Variants in DOCK7 observed in about 807,000 individuals in gnomAD.
DOCK7 encodes dedicator of cytokinesis 7, also known as dedicator of cytokinesis protein 7.
In DOCK7, 138 loss-of-function variants were observed where a neutral mutation model predicts 271.0. The ratio of observed to expected loss-of-function variants is 0.51; its 90% CI spans 0.44 to 0.59. DOCK7 has a LOEUF of 0.59. Among genes scored for constraint, DOCK7 ranks in the 20% least tolerant of loss-of-function variants. The probability of loss-of-function intolerance (pLI) is 0.00; values close to 1 mark genes in which losing one functional copy is unlikely to be tolerated. For missense variants in DOCK7, 2,066 were observed against 2,592.4 expected (o/e 0.80, Z 4.41); for synonymous variants, 823 against 876.1 (o/e 0.94, Z 1.07).
At chr1:62,587,299 T>TAA in intron 14 of DOCK7, among the ~76,000 whole-genome samples, 102 of 41,856 alleles carry the variant, frequency 2.4e-3, no homozygotes, top group South Asian at 8.3e-3. Context: ...ACCAAATAGC[T>TAA]AAAAAAAAAA....
intron 18 of DOCK7, among the ~76,000 whole-genome samples, chr1:62,571,365 CCACT>C (rs1646772411): frequency 6.6e-6 from 1 of 152,174 alleles, no homozygotes; most frequent in Non-Finnish European, 1.5e-5. Context: ...CCATCTCACA[CCACT>C]CAGAATGGCA....
intron 14 of DOCK7, among the ~76,000 whole-genome samples, chr1:62,593,171 A>G (rs1425557928): frequency 6.6e-6 from 1 of 152,236 alleles, no homozygotes; most frequent in Non-Finnish European, 1.5e-5. Context: ...ATGTTTAGTC[A>G]TTCAAAGGGT....
chr1:62,477,248 T>C (rs1424326215), intron 44 of DOCK7: 1 of 152,512 alleles, frequency 6.6e-6, no homozygotes, highest in Non-Finnish European at 1.5e-5. Context: ...TTAAAGGAAG[T>C]GTTTTTAAGG....
intron 47 of DOCK7, among the ~76,000 whole-genome samples, chr1:62,474,940 A>G (rs1645928078): frequency 6.6e-6 from 1 of 152,314 alleles, no homozygotes. Context: ...AGAATCTAAC[A>G]TAGTAGAGGT....
At chr1:62,457,793 A>C (rs1645390664) in intron 48 of DOCK7, 88 bp from the exon 49 acceptor site, 1 of 1,248,118 alleles carries the variant, frequency 8.0e-7, no homozygotes, top group African/African-American at 1.5e-5. Context: ...ATATACATAT[A>C]TATGTGGGCT....
intron 12 of DOCK7, among the ~76,000 whole-genome samples, chr1:62,621,117 A>G (rs926771270): frequency 3.9e-5 from 6 of 151,952 alleles, no homozygotes; most frequent in African/African-American, 1.5e-4. Flanking sequence ...GGAGGAGAAG[A>G]AGGAAGAAAG....
intron 4 of DOCK7, among the ~76,000 whole-genome samples, chr1:62,651,509 G>GC (rs1194055284): frequency 2.7e-5 from 4 of 149,742 alleles, no homozygotes; most frequent in Non-Finnish European, 5.9e-5. Context: ...CCTCTGTAAG[G>GC]GGGGAGCCCG....
At chr1:62,515,247 C>T (rs1308540410) in intron 31 of DOCK7, among the ~76,000 whole-genome samples, 1 of 152,044 alleles carries the variant, frequency 6.6e-6, no homozygotes, top group African/African-American at 2.4e-5. Flanking sequence ...AGCTCATATC[C>T]ACTTTGTTTA....
At chr1:62,565,399 G>A (rs1392791352) in intron 18 of DOCK7, among the ~76,000 whole-genome samples, 1 of 152,098 alleles carries the variant, frequency 6.6e-6, no homozygotes, top group African/African-American at 2.4e-5. Flanking sequence ...TGCAAGGTTG[G>A]TTCAACATAC....
rs1646968086 is a variant in DOCK7, at chr1:62,577,315, A to C, written c.2059T>G (p.Leu687Val). The change falls in exon 18 of 50, where the codon TTG becomes GTG. Residue 687 changes from leucine (L) to valine (V), a missense_variant. By Grantham distance (32) the Leu-to-Val change is conservative. Transcript: ENST00000635253. The stretch of plus-strand genomic sequence containing the variant: ...GGTGGTTTTTCCAATGAGACTGGCA[A>C]GCAAAACTGGCCAGTCTTCAACCGT... ...NGRLKTGQFC[L>V]PVSLEKPPQA... 1 of 1,592,510 alleles carries C rather than the reference A, an allele frequency of 6.3e-7. No homozygotes were observed. Among genetic ancestry groups the C allele is most frequent in the Non-Finnish European group, 8.6e-7 (1 of 1,167,104 alleles).
intron 43 of DOCK7, 167 bp from the exon 44 acceptor site, chr1:62,477,992 T>C: frequency 1.4e-6 from 1 of 725,784 alleles, no homozygotes. Context: ...AAACAGTCTT[T>C]CCTTTTTCAT....
intron 14 of DOCK7, among the ~76,000 whole-genome samples, chr1:62,615,313 A>G (rs1170711229): frequency 6.6e-6 from 1 of 151,846 alleles, no homozygotes; most frequent in Admixed American, 6.6e-5. Flanking sequence ...GGATACTCTT[A>G]TACTAGAAAA....
Position 62,528,213 on chromosome 1 carries a change from C to T in DOCK7, c.3874G>A (p.Ala1292Thr), listed in dbSNP as rs768624143. The change falls in exon 31 of 50, where the codon GCA (alanine) becomes ACA (threonine). Residue 1292 changes from alanine to threonine, a missense_variant. Around this residue, in one of 2 missense-constraint regions of DOCK7, gnomAD observed 1,414 missense variants for 1,670.4 expected, o/e 0.85. Coordinates refer to ENST00000635253, the MANE Select transcript of DOCK7 (RefSeq NM_001367561.1). ...GSMISQTVAM[A>T]IAGTSVPQLT... is the part of the protein sequence containing the mutation. The stretch of plus-strand genomic sequence containing the variant: ...TGAGGGACCGATGTCCCTGCGATTG[C>T]CATGGCAACGGTCTGGCTTATCATA... The T allele has an allele frequency of 1.2e-6, 2 of 1,613,768 alleles. No individual in the cohort carries two copies. Among genetic ancestry groups the T allele is most frequent in the South Asian group, 2.2e-5 (2 of 91,050 alleles).
rs559649242 is a variant in DOCK7 at position 62,566,352 on chromosome 1, T to C, written c.2113-4649A>G. On this transcript the variant is annotated intron_variant, in intron 18 of 49. Coordinates refer to ENST00000635253, the MANE Select transcript of DOCK7 (RefSeq NM_001367561.1). ...TGGTACTGGTACCAAAACAGATATA[T>C]AGACCAAGGAAACAGAACAGAGGCC... Among the ~76,000 whole-genome samples the C allele has an allele frequency of 3.9e-5, 6 of 152,168 alleles. No homozygotes were observed. The East Asian group carries it at 9.7e-4, about 25-fold the overall frequency.
At chr1:62,589,685 T>C (rs942702976) in intron 14 of DOCK7, among the ~76,000 whole-genome samples, 26 of 151,844 alleles carry the variant, frequency 1.7e-4, no homozygotes, top group Non-Finnish European at 1.5e-5. Context: ...TTCAGGACTA[T>C]AAGGTTTTTA....
intron 14 of DOCK7, among the ~76,000 whole-genome samples, chr1:62,594,101 G>A (rs1648862888): frequency 6.6e-6 from 1 of 151,998 alleles, no homozygotes; most frequent in Non-Finnish European, 1.5e-5. Flanking sequence ...TTGCTTACAA[G>A]TTTATTTTCC....
At chr1:62,591,360 T>C (rs996072483) in intron 14 of DOCK7, among the ~76,000 whole-genome samples, 1 of 150,602 alleles carries the variant, frequency 6.6e-6, no homozygotes, top group African/African-American at 2.4e-5. Context: ...GAAGGGAGGG[T>C]GGAGGAGAGA....
chr1:62,647,312 C>T (rs898999329), intron 7 of DOCK7, among the ~76,000 whole-genome samples: 3 of 152,094 alleles, frequency 2.0e-5, no homozygotes, highest in Non-Finnish European at 2.9e-5. Flanking sequence ...TCAAAGCCTA[C>T]TGTAAAATCA....
chr1:62,640,757 G>A (rs542620921), intron 7 of DOCK7, among the ~76,000 whole-genome samples: 1 of 152,222 alleles, frequency 6.6e-6, no homozygotes, highest in East Asian at 1.9e-4. Flanking sequence ...ATATGACCAG[G>A]TGGGAAGTTA....
Sources: allele counts gnomAD v4.1 joint callset (sites outside exome capture counted in the v4.1 genomes callset), GRCh38; gene constraint gnomAD v4.1.1; regional missense constraint gnomAD v4.1.1; transcripts MANE v1.5; gene names NCBI Gene and HGNC (gene_info 2026-07-23, HGNC 2026-07-21).